Variants in GNAL observed in about 807,000 individuals in gnomAD.
The protein encoded by GNAL is guanine nucleotide-binding protein G(olf) subunit alpha.
GNAL carries 18 observed loss-of-function variants against 55.1 expected under a neutral mutation model. The observed-to-expected ratio is 0.33, with a 90% CI of 0.23 to 0.48. GNAL has a LOEUF of 0.48. Ranked by LOEUF, GNAL falls within the 20% of genes least tolerant of loss-of-function variation. GNAL has a pLI of 0.99. For synonymous variants in GNAL, 253 were observed against 237.0 expected (o/e 1.07, Z -0.62); for missense variants, 412 against 614.1 (o/e 0.67, Z 3.48).
At chr18:11,726,314 T>C in intron 1 of GNAL, among the ~76,000 whole-genome samples, 1 of 152,252 alleles carries the variant, frequency 6.6e-6, no homozygotes, top group East Asian at 1.9e-4. Flanking sequence ...ATTCACCATT[T>C]CCACTTTATC....
At position 11,846,440 on chromosome 18, in the gene GNAL, TAA is replaced by T. The variant is rs2035738511; in HGVS notation, c.723-15953_723-15952del. ...ATATATAAATACATATATAAATATA[TAA>T]ATATAAATATATATATAAATATACA... On this transcript the variant is annotated intron_variant, in intron 5 of 11. Coordinates refer to ENST00000334049, the MANE Select transcript of GNAL (RefSeq NM_182978.4). Among the ~76,000 whole-genome samples, 6 of 132,282 alleles carry T rather than the reference TAA, an allele frequency of 4.5e-5. No individual in the cohort carries two copies. The Admixed American group carries it at 5.4e-4, about 12-fold the overall frequency. The allele number at this position is 132,282 out of a possible 152,430, so 86.8% of individuals were successfully genotyped here.
At chr18:11,750,489 C>T (rs2032791622) in intron 1 of GNAL, among the ~76,000 whole-genome samples, 2 of 152,056 alleles carry the variant, frequency 1.3e-5, no homozygotes, top group South Asian at 2.1e-4. Context: ...GGGACGGCTC[C>T]TCGGACCCCT....
intron 5 of GNAL, among the ~76,000 whole-genome samples, chr18:11,846,233 C>T (rs73944920): frequency 0.065 from 9,833 of 151,842 alleles, 436 homozygotes; most frequent in African/African-American, 0.12. Context: ...ATGCCAACTT[C>T]GACTAACATG....
chr18:11,822,759 C>T (rs979187819), intron 4 of GNAL, among the ~76,000 whole-genome samples: 1 of 151,594 alleles, frequency 6.6e-6, no homozygotes, highest in Non-Finnish European at 1.5e-5. Flanking sequence ...GTACCCCACA[C>T]GGTTTGGAGC....
In GNAL at chr18:11,881,343, A is replaced by T; in HGVS notation, c.*208A>T. On this transcript the variant is annotated 3_prime_UTR_variant, in exon 12 of 12. Transcript: ENST00000334049. The surrounding 1 kb of genome is among the most constrained non-coding windows in gnomAD (Gnocchi z 4.8). ...TGAATACGGCCTCCCGCAGCATCCC[A>T]CCCCCAAACCACCGACTCTCATTGC... 2.3e-6 allele frequency: 1 copy of T among 432,650 alleles called. No individual in the cohort carries two copies. Among genetic ancestry groups the T allele is most frequent in the Non-Finnish European group, 4.1e-6 (1 of 242,000 alleles). 26.8% of individuals were successfully genotyped at this position (432,650 alleles called of 1,614,324 possible). A position where few individuals can be genotyped will look rare whatever the true frequency, so the allele number is the denominator to read the frequency against.
At chr18:11,880,016 T>G (rs901785374) in intron 11 of GNAL, among the ~76,000 whole-genome samples, 1 of 151,150 alleles carries the variant, frequency 6.6e-6, no homozygotes, top group Non-Finnish European at 1.5e-5. Context: ...CCCAGCACTT[T>G]GGGAGGCCGA....
chr18:11,876,753 G>A lies in GNAL; in HGVS notation c.1230+65G>A, dbSNP rs995887985. On this transcript the variant is annotated intron_variant, in intron 11 of 11. Coordinates refer to ENST00000334049, the MANE Select transcript of GNAL (RefSeq NM_182978.4). ...CTTAATCTTTTGTTTCTTACAATAT[G>A]CAAATTACTCCTTGATGATCTCATT... is the stretch of plus-strand genomic sequence containing the variant. 3.5e-6 allele frequency: 3 copies of A among 865,540 alleles called. No homozygotes were observed. In the South Asian group the frequency reaches 4.0e-5, roughly 11 times the overall value. 53.6% of individuals were successfully genotyped at this position (865,540 alleles called of 1,614,324 possible). A position where few individuals can be genotyped will look rare whatever the true frequency, so the allele number is the denominator to read the frequency against.
chr18:11,701,318 C>T (rs539689902), intron 1 of GNAL, among the ~76,000 whole-genome samples: 10 of 152,122 alleles, frequency 6.6e-5, no homozygotes, highest in South Asian at 6.2e-4. Context: ...TGGCCAGGCG[C>T]GGTGGCTCAC....
intron 9 of GNAL, among the ~76,000 whole-genome samples, chr18:11,869,133 A>AT (rs199964043): frequency 3.5e-5 from 5 of 143,868 alleles, no homozygotes; most frequent in South Asian, 4.5e-4. Flanking sequence ...AATGTGGAAT[A>AT]TTTTTTTTTA....
At chr18:11,880,440 T>C (rs1403756446) in intron 11 of GNAL, among the ~76,000 whole-genome samples, 1 of 151,422 alleles carries the variant, frequency 6.6e-6, no homozygotes, top group Non-Finnish European at 1.5e-5. Flanking sequence ...GTGGGCACGG[T>C]GATGGACGCC....
intron 1 of GNAL, chr18:11,746,301 T>C: frequency 3.0e-6 from 1 of 337,218 alleles, no homozygotes; most frequent in Admixed American, 3.7e-5. Context: ...TGGTTCCTTT[T>C]TAACAATGAT....
chr18:11,833,956 C>G (rs957748324), intron 5 of GNAL, among the ~76,000 whole-genome samples: 1 of 152,154 alleles, frequency 6.6e-6, no homozygotes, highest in Admixed American at 6.5e-5. Context: ...TGTGTGGCCC[C>G]TCTGTTGCCT....
rs534062711 is a variant in GNAL at position 11,792,726 on chromosome 18, A to G, written c.625-32192A>G. ...TAAATATTTGTTGAATGATTGATCA[A>G]TTGTTGGCACTGAGGGAATACTTGG... On this transcript the variant is annotated intron_variant, in intron 4 of 11. Coordinates refer to ENST00000334049, the MANE Select transcript of GNAL (RefSeq NM_182978.4). Among the ~76,000 whole-genome samples, 111 of 152,366 alleles carry G rather than the reference A, an allele frequency of 7.3e-4. 1 individual carries two copies. The highest frequency in any genetic ancestry group is 1.5e-4 in the Non-Finnish European group (10 of 68,042).
intron 4 of GNAL, among the ~76,000 whole-genome samples, chr18:11,789,649 T>C (rs773016092): frequency 6.6e-6 from 1 of 152,248 alleles, no homozygotes; most frequent in Non-Finnish European, 1.5e-5. Context: ...ATTGTTCTAA[T>C]AAAGTACCAT....
intron 1 of GNAL, among the ~76,000 whole-genome samples, chr18:11,730,094 C>A (rs1053782074): frequency 6.6e-6 from 1 of 151,070 alleles, no homozygotes; most frequent in Non-Finnish European, 1.5e-5. Context: ...ACTGCAGTGG[C>A]GCTATCTCGG....
At chr18:11,808,107 T>C (rs2034713261) in intron 4 of GNAL, among the ~76,000 whole-genome samples, 1 of 151,472 alleles carries the variant, frequency 6.6e-6, no homozygotes, top group African/African-American at 2.4e-5. Flanking sequence ...CCATGATAAA[T>C]ATTTGCTGAG....
chr18:11,731,944 A>T (rs528006210), intron 1 of GNAL, among the ~76,000 whole-genome samples: 1 of 152,282 alleles, frequency 6.6e-6, no homozygotes, highest in East Asian at 1.9e-4. Context: ...ATCTTATAAT[A>T]TGTGGTCTTT....
rs1287497631 is a variant in GNAL at position 11,750,639 on chromosome 18, G to C, written c.377-2214G>C. ...ATGGATGAGACTTGGCCCCTGGGGG[G>C]CCCTAGATGACCTTGATGAGAGTAT... is the stretch of plus-strand genomic sequence containing the variant. On this transcript the variant is annotated intron_variant, in intron 1 of 11. Transcript: ENST00000334049. Among the ~76,000 whole-genome samples, 15 of 152,084 alleles carry C rather than the reference G, an allele frequency of 9.9e-5. 1 individual carries two copies. The highest frequency in any genetic ancestry group is 9.8e-4 in the Admixed American group (15 of 15,282).
chr18:11,810,243 A>C (rs2034775523), intron 4 of GNAL, among the ~76,000 whole-genome samples: 1 of 152,170 alleles, frequency 6.6e-6, no homozygotes, highest in African/African-American at 2.4e-5. Context: ...AAATACAAAA[A>C]AATAGCCAGG....
Sources: allele counts gnomAD v4.1 joint callset (sites outside exome capture counted in the v4.1 genomes callset), GRCh38; gene constraint gnomAD v4.1.1; non-coding constraint Gnocchi (gnomAD v3.1); transcripts MANE v1.5; gene names NCBI Gene and HGNC (gene_info 2026-07-23, HGNC 2026-07-21).